Variants in EPC2 observed in about 807,000 individuals in gnomAD.
The protein encoded by EPC2 is enhancer of polycomb homolog 2.
In EPC2, 14 loss-of-function variants were observed where a neutral mutation model predicts 92.1. The observed-to-expected ratio is 0.15, with a 90% CI of 0.10 to 0.24. The LOEUF (loss-of-function observed/expected upper bound fraction) is 0.24. Ranked by LOEUF, EPC2 falls within the 10% of genes least tolerant of loss-of-function variation. The pLI, the probability that EPC2 is intolerant of heterozygous loss-of-function variation, is 1.00. For synonymous variants in EPC2, 340 were observed against 334.7 expected (o/e 1.02, Z -0.17); for missense variants, 755 against 971.5 (o/e 0.78, Z 2.96).
Position 148,779,137 on chromosome 2 carries a change from A to AC in EPC2, c.1721-2503dup, listed in dbSNP as rs201033846. Among the ~76,000 whole-genome samples, 4 of 146,166 alleles carry AC rather than the reference A, an allele frequency of 2.7e-5. No homozygotes were observed. The East Asian group carries it at 7.5e-4, about 28-fold the overall frequency. On this transcript the variant is annotated intron_variant, in intron 10 of 13. Coordinates refer to ENST00000258484, the MANE Select transcript of EPC2 (RefSeq NM_015630.4). ...AGAAGACAGGACAGTAAATGGAGAC[A>AC]CCCCAAAAAACAGCTAGTTTTATCT...
rs1233422072 is a variant in EPC2, at chr2:148,708,013, G to C, written c.313+17640G>C. Among the ~76,000 whole-genome samples the C allele has an allele frequency of 9.2e-5, 14 of 152,272 alleles. No individual in the cohort carries two copies. In the East Asian group the frequency reaches 2.7e-3, roughly 29 times the overall value. ...AACTTAAGATCAGAGCAGAACTGAA[G>C]GAGATAGAGACACAAAAATCCCTTC... On this transcript the variant is annotated intron_variant, in intron 2 of 13. Transcript: ENST00000258484.
intron 1 of EPC2, among the ~76,000 whole-genome samples, chr2:148,657,646 T>G (rs1680830450): frequency 6.6e-6 from 1 of 151,940 alleles, no homozygotes; most frequent in Non-Finnish European, 1.5e-5. Context: ...CACCAGAATA[T>G]CTAGGATGCT....
At chr2:148,664,746 T>C (rs951640613) in intron 1 of EPC2, among the ~76,000 whole-genome samples, 2 of 152,220 alleles carry the variant, frequency 1.3e-5, no homozygotes, top group African/African-American at 2.4e-5. Flanking sequence ...TATATACTCT[T>C]TTTCTTTGCT....
intron 2 of EPC2, among the ~76,000 whole-genome samples, chr2:148,731,683 T>C (rs1228587329): frequency 6.6e-6 from 1 of 152,216 alleles, no homozygotes; most frequent in African/African-American, 2.4e-5. Context: ...ATTACAGGCA[T>C]GAGCCACTGC....
chr2:148,744,220 T>A (rs1264472958), intron 3 of EPC2, among the ~76,000 whole-genome samples: 1 of 152,138 alleles, frequency 6.6e-6, no homozygotes. Context: ...TTTAGTGAGG[T>A]ATTTTATATA....
chr2:148,677,103 ACATGTTTACAACTAGT>A (rs905981501), intron 1 of EPC2, among the ~76,000 whole-genome samples: 1 of 152,216 alleles, frequency 6.6e-6, no homozygotes, highest in Non-Finnish European at 1.5e-5. Context: ...CCAGGATTCT[ACATGTTTACAACTAGT>A]CATGTTTATT....
At chr2:148,747,932 T>TC (rs1558828466) in intron 3 of EPC2, among the ~76,000 whole-genome samples, 1 of 152,018 alleles carries the variant, frequency 6.6e-6, no homozygotes, top group African/African-American at 2.4e-5. Flanking sequence ...CTCCTTTGCC[T>TC]CCCCCAGTTT....
intron 2 of EPC2, among the ~76,000 whole-genome samples, chr2:148,698,694 CT>C (rs386355296): frequency 0.066 from 5,834 of 88,022 alleles, 94 homozygotes; most frequent in East Asian, 0.17. Context: ...AGAAAGTAAG[CT>C]TTTTTTTTTT....
At chr2:148,755,598 A>C (rs1423974227) in intron 4 of EPC2, among the ~76,000 whole-genome samples, 1 of 152,166 alleles carries the variant, frequency 6.6e-6, no homozygotes, top group Non-Finnish European at 1.5e-5. Context: ...ACAAGTACTT[A>C]CCTTATGTTA....
At chr2:148,654,405 A>T (rs1207306085) in intron 1 of EPC2, among the ~76,000 whole-genome samples, 1 of 152,108 alleles carries the variant, frequency 6.6e-6, no homozygotes, top group Non-Finnish European at 1.5e-5. Context: ...AGAGTTTCAC[A>T]TTTTTTCTCA....
chr2:148,717,820 ATC>A (rs1682289191), intron 2 of EPC2, among the ~76,000 whole-genome samples: 1 of 152,166 alleles, frequency 6.6e-6, no homozygotes, highest in Admixed American at 6.5e-5. Flanking sequence ...TTTCTCTATG[ATC>A]TGTCTAATAT....
intron 1 of EPC2, among the ~76,000 whole-genome samples, chr2:148,683,596 C>T (rs565283786): frequency 7.9e-5 from 12 of 152,142 alleles, no homozygotes; most frequent in Non-Finnish European, 1.2e-4. Flanking sequence ...TTTGCATCCT[C>T]ATAGCTTAGC....
At chr2:148,721,864 C>A (rs936762206) in intron 2 of EPC2, among the ~76,000 whole-genome samples, 3 of 68,636 alleles carry the variant, frequency 4.4e-5, no homozygotes, top group African/African-American at 1.5e-4. Flanking sequence ...TAATTTGTAT[C>A]TTTGTTTCTT....
chr2:148,717,491 A>G (rs531371241), intron 2 of EPC2, among the ~76,000 whole-genome samples: 101 of 152,108 alleles, frequency 6.6e-4, no homozygotes, highest in African/African-American at 2.3e-3. Flanking sequence ...CCTTTATTTC[A>G]TTATTTACCC....
At chr2:148,744,466 C>T (rs1024975861) in intron 3 of EPC2, among the ~76,000 whole-genome samples, 2 of 152,026 alleles carry the variant, frequency 1.3e-5, no homozygotes, top group Admixed American at 1.3e-4. Flanking sequence ...TGAAGGATGT[C>T]TAGTGCCATA....
At chr2:148,776,886 A>G (rs1653596827) in intron 10 of EPC2, among the ~76,000 whole-genome samples, 1 of 94,490 alleles carries the variant, frequency 1.1e-5, no homozygotes, top group African/African-American at 3.6e-5. Context: ...TTTGAGACAG[A>G]GTCTTGTTCT....
At chr2:148,756,050 T>C (rs903630849) in intron 4 of EPC2, among the ~76,000 whole-genome samples, 12 of 152,236 alleles carry the variant, frequency 7.9e-5, no homozygotes, top group African/African-American at 2.9e-4. Flanking sequence ...TATTGGCATA[T>C]TGACAATATT....
At chr2:148,741,939 A>G (rs1682886870) in intron 2 of EPC2, among the ~76,000 whole-genome samples, 2 of 152,178 alleles carry the variant, frequency 1.3e-5, no homozygotes, top group African/African-American at 2.4e-5. Flanking sequence ...ACATGCATAT[A>G]TATCCAACCT....
intron 2 of EPC2, among the ~76,000 whole-genome samples, chr2:148,701,047 C>T (rs1681876608): frequency 6.6e-6 from 1 of 151,944 alleles, no homozygotes; most frequent in Non-Finnish European, 1.5e-5. Context: ...TGGTGTTGTT[C>T]CTTAATTTCA....
Sources: gnomAD v4.1 joint callset for allele counts (sites outside exome capture counted in the v4.1 genomes callset) on GRCh38, gnomAD v4.1.1 for gene constraint, MANE v1.5 for transcripts, NCBI Gene and HGNC (gene_info 2026-07-23, HGNC 2026-07-21) for gene names.